MLLT1: variants seen among roughly 807,000 people sequenced by gnomAD.
The protein encoded by MLLT1 is protein ENL.
Under a neutral mutation model 55.1 loss-of-function variants are expected in MLLT1, and 11 were observed. The observed-to-expected ratio is 0.20, with a 90% CI of 0.13 to 0.33. The LOEUF (loss-of-function observed/expected upper bound fraction) is 0.33. Among genes scored for constraint, MLLT1 ranks in the 10% least tolerant of loss-of-function variants. The probability of loss-of-function intolerance (pLI) is 1.00; values close to 1 mark genes in which losing one functional copy is unlikely to be tolerated. For missense variants in MLLT1, 536 were observed against 760.6 expected (o/e 0.70, Z 3.47); for synonymous variants, 323 against 320.1 (o/e 1.01, Z -0.10).
intron 3 of MLLT1, among the ~76,000 whole-genome samples, chr19:6,241,926 G>A (rs1386181931): frequency 3.9e-5 from 6 of 152,206 alleles, no homozygotes; most frequent in Non-Finnish European, 5.9e-5. Flanking sequence ...TCAACCGGCC[G>A]ATTGTCCCTG....
At chr19:6,221,653 G>A (rs1247440551) in intron 6 of MLLT1, among the ~76,000 whole-genome samples, 3 of 152,212 alleles carry the variant, frequency 2.0e-5, no homozygotes, top group African/African-American at 4.8e-5. Flanking sequence ...TCATGGCTAG[G>A]GGCTGTCTGA....
chr19:6,258,944 G>C (rs10412417), intron 3 of MLLT1, among the ~76,000 whole-genome samples: 56,840 of 151,966 alleles, frequency 0.37, 13,468 homozygotes, highest in African/African-American at 0.68. Flanking sequence ...TGTGCCACGC[G>C]CCGGGCCAAG....
Position 6,262,324 on chromosome 19 carries a change from G to A in MLLT1, c.194-14C>T, listed in dbSNP as rs765513686. ...GCTCCTTGCACACTAAAAAGAAAAG[G>A]AAGAAACACACCCATCAGCCTCCTG... On this transcript the variant is annotated splice_polypyrimidine_tract_variant and intron_variant, in intron 2 of 11. Coordinates refer to ENST00000252674, the MANE Select transcript of MLLT1 (RefSeq NM_005934.4). The surrounding 1 kb of genome is among the most constrained non-coding windows in gnomAD (Gnocchi z 4.4). The A allele has an allele frequency of 6.2e-7, 1 of 1,610,654 alleles. No individual in the cohort carries two copies. Among genetic ancestry groups the A allele is most frequent in the Non-Finnish European group, 8.5e-7 (1 of 1,177,646 alleles).
In MLLT1 at chr19:6,217,965, T is replaced by A; in HGVS notation, c.1187A>T (p.Asn396Ile). The change falls in exon 7 of 12, where the codon AAC becomes ATC. Residue 396 changes from asparagine to isoleucine, a missense_variant. By Grantham distance (149) the Asn-to-Ile change is moderately radical. Transcript: ENST00000252674. ...SSDSDFEPSQ[N>I]HSQGPLRSMV... is the part of the protein sequence containing the mutation. Reference sequence around the variant, plus strand: ...CTCTCCATACACACCTTGGCTGTGGTTCTGGGATGGCTCGAAGTCTGAGTC... The same window carrying A: ...CTCTCCATACACACCTTGGCTGTGGATCTGGGATGGCTCGAAGTCTGAGTC... 1 of 1,604,658 alleles carries A rather than the reference T, an allele frequency of 6.2e-7. No homozygotes were observed. The highest frequency in any genetic ancestry group is 8.5e-7 in the Non-Finnish European group (1 of 1,175,906).
In MLLT1 at chr19:6,222,229, G is replaced by A. The variant is rs375257829; in HGVS notation, c.1002C>T (p.Ser334=). The change falls in exon 6 of 12, where the codon AGC becomes AGT. Residue 334 remains serine (S), a synonymous_variant. Transcript: ENST00000252674. This position sits in a 1 kb window ranked among gnomAD's most constrained non-coding sequence, Gnocchi z 4.1. ...FSDKKPAKDK[S]STRGEKVKAE... Reference sequence around the variant, plus strand: ...CCTTCACCTTCTCCCCTCTGGTGCTGCTCTTGTCCTTGGCCGGCTTCTTGT... The same window carrying A: ...CCTTCACCTTCTCCCCTCTGGTGCTACTCTTGTCCTTGGCCGGCTTCTTGT... The A allele has an allele frequency of 2.5e-6, 4 of 1,613,288 alleles. No individual in the cohort carries two copies. Among genetic ancestry groups the A allele is most frequent in the Non-Finnish European group, 3.4e-6 (4 of 1,179,794 alleles).
At position 6,226,499 on chromosome 19, in the gene MLLT1, C is replaced by T. The variant is rs1426058606; in HGVS notation, c.546+478G>A. On this transcript the variant is annotated intron_variant, in intron 5 of 11. Coordinates refer to ENST00000252674, the MANE Select transcript of MLLT1 (RefSeq NM_005934.4). This position sits in a 1 kb window ranked among gnomAD's most constrained non-coding sequence, Gnocchi z 6.3. ...ATTCAGCTGGCACCCACCTGGCTTC[C>T]CCTGCCCTTCCCCCACGAAACTCTG... is the stretch of plus-strand genomic sequence containing the variant. 2.0e-5 allele frequency among the ~76,000 whole-genome samples: 3 copies of T among 152,174 alleles called. No individual in the cohort carries two copies. The highest frequency in any genetic ancestry group is 7.2e-5 in the African/African-American group (3 of 41,448).
At position 6,224,793 on chromosome 19, in the gene MLLT1, G is replaced by A. The variant is rs184057200; in HGVS notation, c.547-2109C>T. ...CGCCCAGGCTGGAGTGCAGTGGTGC[G>A]ATCTCGGCTCACTGCAAGCTCCGCC... On this transcript the variant is annotated intron_variant, in intron 5 of 11. Coordinates refer to ENST00000252674, the MANE Select transcript of MLLT1 (RefSeq NM_005934.4). Among the ~76,000 whole-genome samples the A allele has an allele frequency of 6.9e-3, 1,056 of 152,254 alleles. 21 individuals carry two copies. The highest frequency in any genetic ancestry group is 8.1e-3 in the South Asian group (39 of 4,828).
chr19:6,230,399 G>A lies in MLLT1; in HGVS notation c.420+171C>T, dbSNP rs868126082. The stretch of plus-strand genomic sequence containing the variant: ...AGTCACCTGCAGCCACCACGCCCCG[G>A]CACAGGTTGTGGAGCTCCCAGGTCC... On this transcript the variant is annotated intron_variant, in intron 4 of 11. Coordinates refer to ENST00000252674, the MANE Select transcript of MLLT1 (RefSeq NM_005934.4). This position sits in a 1 kb window ranked among gnomAD's most constrained non-coding sequence, Gnocchi z 9.0. 4.6e-5 allele frequency among the ~76,000 whole-genome samples: 7 copies of A among 152,182 alleles called. No homozygotes were observed. The highest frequency in any genetic ancestry group is 1.7e-4 in the African/African-American group (7 of 41,450).
At position 6,212,036 on chromosome 19, in the gene MLLT1, T is replaced by C. The variant is rs2090778283; in HGVS notation, c.*1006A>G. The C allele has an allele frequency of 2.8e-6, 3 of 1,065,728 alleles. No individual in the cohort carries two copies. The South Asian group carries it at 1.4e-4, about 48-fold the overall frequency. 66.0% of individuals were successfully genotyped at this position (1,065,728 alleles called of 1,614,324 possible). A position where few individuals can be genotyped will look rare whatever the true frequency, so the allele number is the denominator to read the frequency against. On this transcript the variant is annotated 3_prime_UTR_variant, in exon 12 of 12. Transcript: ENST00000252674. ...ATGCGCCTCAGAAAACTCCATAAAC[T>C]ATCCCGTCTTATTTGGCAAAAGCTC...
At position 6,240,490 on chromosome 19, in the gene MLLT1, C is replaced by T. The variant is rs903799363; in HGVS notation, c.277-9777G>A. Among the ~76,000 whole-genome samples, 1 of 152,254 alleles carries T rather than the reference C, an allele frequency of 6.6e-6. No homozygotes were observed. Among genetic ancestry groups the T allele is most frequent in the Non-Finnish European group, 1.5e-5 (1 of 68,042 alleles). ...ACGTTGCCCATCTGTGCTCAGCGTC[C>T]TCACCTGTGAAGTGGGAAAGGCAGA... On this transcript the variant is annotated intron_variant, in intron 3 of 11. Transcript: ENST00000252674. This position sits in a 1 kb window ranked among gnomAD's most constrained non-coding sequence, Gnocchi z 4.7.
chr19:6,238,511 C>A (rs926783843), intron 3 of MLLT1, among the ~76,000 whole-genome samples: 2 of 152,238 alleles, frequency 1.3e-5, no homozygotes, highest in African/African-American at 4.8e-5. Flanking sequence ...GGCGGCTGCT[C>A]TGCCATTCTC....
intron 3 of MLLT1, among the ~76,000 whole-genome samples, chr19:6,252,526 T>A (rs2091225305): frequency 6.6e-6 from 1 of 152,252 alleles, no homozygotes; most frequent in Admixed American, 6.5e-5. Flanking sequence ...TAGAAGATAC[T>A]TTTGAGATAA....
chr19:6,215,844 G>A (rs557886414), intron 8 of MLLT1, among the ~76,000 whole-genome samples: 11 of 152,302 alleles, frequency 7.2e-5, no homozygotes, highest in South Asian at 2.1e-4. Flanking sequence ...GAGGCCGAGC[G>A]CATGGAGCTC....
At chr19:6,247,124 C>G in intron 3 of MLLT1, among the ~76,000 whole-genome samples, 1 of 152,132 alleles carries the variant, frequency 6.6e-6, no homozygotes, top group East Asian at 1.9e-4. Context: ...GAGTTGGCAG[C>G]CTCAGAGGAA....
intron 8 of MLLT1, among the ~76,000 whole-genome samples, chr19:6,216,049 G>A (rs2090840294): frequency 6.6e-6 from 1 of 152,122 alleles, no homozygotes; most frequent in Admixed American, 6.5e-5. Flanking sequence ...CCTGGCCCAA[G>A]AGCAGAGAAA....
chr19:6,212,338 G>A lies in MLLT1; in HGVS notation c.*704C>T, dbSNP rs2090783719. 9.5e-7 allele frequency: 1 copy of A among 1,050,210 alleles called. No homozygotes were observed. The highest frequency in any genetic ancestry group is 1.1e-6 in the Non-Finnish European group (1 of 875,306). The allele number at this position is 1,050,210 out of a possible 1,614,324, so 65.1% of individuals were successfully genotyped here. A position where few individuals can be genotyped will look rare whatever the true frequency, so the allele number is the denominator to read the frequency against. On this transcript the variant is annotated 3_prime_UTR_variant, in exon 12 of 12. Coordinates refer to ENST00000252674, the MANE Select transcript of MLLT1 (RefSeq NM_005934.4). ...TCCATGCGCCTGGAGAGGGCCAGCTGCCGTGCCTGGCTCGGCCTCCAGCCC... is the reference window on the plus strand; with the variant it reads ...TCCATGCGCCTGGAGAGGGCCAGCTACCGTGCCTGGCTCGGCCTCCAGCCC...
intron 2 of MLLT1, among the ~76,000 whole-genome samples, chr19:6,264,542 A>C (rs2091330920): frequency 6.6e-6 from 1 of 152,028 alleles, no homozygotes; most frequent in East Asian, 1.9e-4. Flanking sequence ...AAAAAATAAA[A>C]ACCAAGAGTC....
At position 6,211,566 on chromosome 19, in the gene MLLT1, C is replaced by A. The variant is rs550762594; in HGVS notation, c.*1476G>T. ...TCATAGGCTGGGGAGGAGGAGACAT[C>A]TAGGTGGGTTCGAGGGGGTGCGAGC... On this transcript the variant is annotated 3_prime_UTR_variant, in exon 12 of 12. Coordinates refer to ENST00000252674, the MANE Select transcript of MLLT1 (RefSeq NM_005934.4). This position sits in a 1 kb window ranked among gnomAD's most constrained non-coding sequence, Gnocchi z 4.6. 1.9e-6 allele frequency: 2 copies of A among 1,056,762 alleles called. No individual in the cohort carries two copies. Among genetic ancestry groups the A allele is most frequent in the South Asian group, 9.2e-5 (2 of 21,832 alleles). The allele number at this position is 1,056,762 out of a possible 1,614,324, so 65.5% of individuals were successfully genotyped here.
At position 6,212,340 on chromosome 19, in the gene MLLT1, CG is replaced by C; in HGVS notation, c.*701del. The C allele has an allele frequency of 1.0e-5, 11 of 1,047,974 alleles. No homozygotes were observed. The highest frequency in any genetic ancestry group is 1.1e-5 in the Non-Finnish European group (10 of 874,580). 64.9% of individuals were successfully genotyped at this position (1,047,974 alleles called of 1,614,324 possible). ...CATGCGCCTGGAGAGGGCCAGCTGCCGTGCCTGGCTCGGCCTCCAGCCCCAC... is the reference window on the plus strand; with the variant it reads ...CATGCGCCTGGAGAGGGCCAGCTGCCTGCCTGGCTCGGCCTCCAGCCCCAC... On this transcript the variant is annotated 3_prime_UTR_variant, in exon 12 of 12. Coordinates refer to ENST00000252674, the MANE Select transcript of MLLT1 (RefSeq NM_005934.4).
Sources: gnomAD v4.1 joint callset for allele counts (sites outside exome capture counted in the v4.1 genomes callset) on GRCh38, gnomAD v4.1.1 for gene constraint, Gnocchi (gnomAD v3.1) non-coding constraint, MANE v1.5 for transcripts, NCBI Gene and HGNC (gene_info 2026-07-23, HGNC 2026-07-21) for gene names.